Variants in NAV2 observed in about 807,000 individuals in gnomAD.
NAV2 encodes the protein helicase, APC down-regulated 1.
A neutral mutation model predicts 223.2 loss-of-function variants in NAV2; 54 were observed. The observed-to-expected ratio is 0.24, with a 90% CI of 0.19 to 0.30. The LOEUF is 0.30. Among genes scored for constraint, NAV2 ranks in the 10% least tolerant of loss-of-function variants. The pLI, the probability that NAV2 is intolerant of heterozygous loss-of-function variation, is 1.00. For missense variants in NAV2, 2,806 were observed against 3,147.5 expected (o/e 0.89, Z 2.60); for synonymous variants, 1,279 against 1,239.3 (o/e 1.03, Z -0.67).
chr11:19,847,380 T>C (rs1280741662), intron 3 of NAV2, among the ~76,000 whole-genome samples: 2 of 152,224 alleles, frequency 1.3e-5, no homozygotes, highest in African/African-American at 4.8e-5. Flanking sequence ...CCAGGCCTGC[T>C]TTCCCCTTTA....
intron 1 of NAV2, among the ~76,000 whole-genome samples, chr11:19,425,891 T>G (rs1850807610): frequency 6.6e-6 from 1 of 152,206 alleles, no homozygotes; most frequent in South Asian, 2.1e-4. Context: ...GACCCATATA[T>G]CTACTAAAAG....
chr11:19,874,527 T>G (rs993572954), intron 4 of NAV2, among the ~76,000 whole-genome samples: 1 of 152,166 alleles, frequency 6.6e-6, no homozygotes. Flanking sequence ...AGGGAAACAT[T>G]CTTGTGGGGC....
intron 10 of NAV2, among the ~76,000 whole-genome samples, chr11:19,952,087 G>T (rs2047443422): frequency 6.6e-6 from 1 of 152,318 alleles, no homozygotes; most frequent in East Asian, 1.9e-4. Context: ...ACCAGTTTGT[G>T]TTTACACGCA....
intron 1 of NAV2, among the ~76,000 whole-genome samples, chr11:19,632,748 C>T (rs1297699062): frequency 6.6e-6 from 1 of 152,218 alleles, no homozygotes; most frequent in Non-Finnish European, 1.5e-5. Context: ...GGCTAGAAAC[C>T]ACGGATGTTA....
intron 1 of NAV2, among the ~76,000 whole-genome samples, chr11:19,479,698 T>C (rs757490842): frequency 6.6e-6 from 1 of 152,194 alleles, no homozygotes; most frequent in South Asian, 2.1e-4. Context: ...AATCAGCCCA[T>C]TAAAATTTGT....
At chr11:19,465,686 G>T (rs767505168) in intron 1 of NAV2, among the ~76,000 whole-genome samples, 2 of 152,168 alleles carry the variant, frequency 1.3e-5, no homozygotes, top group Non-Finnish European at 2.9e-5. Context: ...GTCATTTGAG[G>T]ATCCACTATG....
chr11:19,933,291 G>A lies in NAV2; in HGVS notation c.1047G>A (p.Pro349=), dbSNP rs143560669. The A allele has an allele frequency of 2.3e-5, 37 of 1,613,238 alleles. No homozygotes were observed. The highest frequency in any genetic ancestry group is 1.7e-4 in the Middle Eastern group (1 of 6,058). The part of the protein sequence containing the change: ...PTNCSTSSAI[P]QPGAATKPWR... ...ATTGCAGTACCTCCTCGGCCATCCC[G>A]CAGCCCGGTGCAGCCACCAAGCCTT... The change falls in exon 7 of 38, where the codon CCG becomes CCA. Residue 349 remains proline (P), a synonymous_variant. Transcript: ENST00000349880. The surrounding 1 kb of genome is among the most constrained non-coding windows in gnomAD (Gnocchi z 4.3).
Position 19,796,337 on chromosome 11 carries a change from T to G in NAV2, c.268-36147T>G, listed in dbSNP as rs79414494. Among the ~76,000 whole-genome samples, 1,097 of 152,240 alleles carry G rather than the reference T, an allele frequency of 7.2e-3. 59 individuals carry two copies. The East Asian group carries it at 0.15, about 20-fold the overall frequency. ...ACAGCAAGAAAGAGGGCCCTCTGCCTCAATCCTCATGCAGGTGCACCTTAT... is the reference window on the plus strand; with the variant it reads ...ACAGCAAGAAAGAGGGCCCTCTGCCGCAATCCTCATGCAGGTGCACCTTAT... On this transcript the variant is annotated intron_variant, in intron 1 of 37. Transcript: ENST00000349880.
intron 11 of NAV2, among the ~76,000 whole-genome samples, chr11:20,024,009 A>G (rs1021785287): frequency 6.6e-6 from 1 of 152,202 alleles, no homozygotes; most frequent in Non-Finnish European, 1.5e-5. Flanking sequence ...AAGGTTACAC[A>G]GCTGATAAGA....
chr11:19,449,654 C>G (rs971352562), intron 1 of NAV2, among the ~76,000 whole-genome samples: 3 of 151,904 alleles, frequency 2.0e-5, no homozygotes, highest in African/African-American at 7.3e-5. Flanking sequence ...GGGTGGGGTG[C>G]TTTTGTGACT....
rs368041667 is a variant in NAV2, at chr11:20,114,456, A to G, written c.6961-136A>G. 9 of 759,156 alleles carry G rather than the reference A, an allele frequency of 1.2e-5. No individual in the cohort carries two copies. The African/African-American group carries it at 1.4e-4, about 12-fold the overall frequency. The allele number at this position is 759,156 out of a possible 1,614,324, so 47.0% of individuals were successfully genotyped here. On this transcript the variant is annotated intron_variant, in intron 36 of 37. Transcript: ENST00000349880. ...CTGCATCTTGGATGACTTCCTGAGC[A>G]TGGAATAGAAGTGGAATTACTCCAT...
rs147034660 is a variant in NAV2, at chr11:19,630,066, A to G, written c.76-202418A>G. Reference sequence around the variant, plus strand: ...TGGGGAATGCGACCTATGTTCCCCCAACTCTGTGGTGAACTTCTGGGGAAT... The same window carrying G: ...TGGGGAATGCGACCTATGTTCCCCCGACTCTGTGGTGAACTTCTGGGGAAT... On this transcript the variant is annotated intron_variant, in intron 1 of 37. Coordinates refer to the NAV2 transcript ENST00000360655. Among the ~76,000 whole-genome samples the G allele has an allele frequency of 7.9e-5, 12 of 152,238 alleles. No individual in the cohort carries two copies. In the East Asian group the frequency reaches 1.7e-3, roughly 22 times the overall value.
At chr11:19,761,445 G>C (rs946368051) in intron 1 of NAV2, among the ~76,000 whole-genome samples, 10 of 152,132 alleles carry the variant, frequency 6.6e-5, no homozygotes, top group African/African-American at 2.2e-4. Context: ...TTGGATGAGG[G>C]GCTCAAGGAA....
intron 1 of NAV2, among the ~76,000 whole-genome samples, chr11:19,715,257 A>AAGCTGAC (rs1310660394): frequency 6.6e-6 from 1 of 152,126 alleles, no homozygotes; most frequent in African/African-American, 2.4e-5. Context: ...ACATTTTTGG[A>AAGCTGAC]AGCTGACAGG....
At chr11:19,629,132 T>C (rs2047264934) in intron 1 of NAV2, among the ~76,000 whole-genome samples, 1 of 152,198 alleles carries the variant, frequency 6.6e-6, no homozygotes, top group Non-Finnish European at 1.5e-5. Context: ...CCTCCCGCTC[T>C]GCCTCAGTGT....
intron 25 of NAV2, among the ~76,000 whole-genome samples, chr11:20,081,878 G>C (rs2060114723): frequency 6.6e-6 from 1 of 152,166 alleles, no homozygotes; most frequent in Admixed American, 6.5e-5. Context: ...TTTTGGCCTA[G>C]AAAAATCTGA....
At position 20,097,814 on chromosome 11, in the gene NAV2, G is replaced by A. The variant is rs958734841; in HGVS notation, c.6181+69G>A. ...GTGTTTGTTTTGTGACTTGGCATAG[G>A]CACTTGTGGCCCCAGTTTTGTTTGT... On this transcript the variant is annotated intron_variant, in intron 31 of 37. Transcript: ENST00000349880. The A allele has an allele frequency of 1.2e-5, 17 of 1,390,848 alleles. No individual in the cohort carries two copies. The South Asian group carries it at 1.8e-4, about 15-fold the overall frequency. The allele number at this position is 1,390,848 out of a possible 1,614,324, so 86.2% of individuals were successfully genotyped here.
At chr11:19,773,795 C>A (rs533338122) in intron 1 of NAV2, among the ~76,000 whole-genome samples, 8 of 152,278 alleles carry the variant, frequency 5.3e-5, no homozygotes, top group South Asian at 2.1e-4. Context: ...CTCACCTCTT[C>A]TTGCTTGGGT....
At position 19,939,723 on chromosome 11, in the gene NAV2, A is replaced by C. The variant is rs746763734; in HGVS notation, c.2096A>C (p.Glu699Ala). The C allele has an allele frequency of 3.1e-6, 5 of 1,614,160 alleles. No individual in the cohort carries two copies. Among genetic ancestry groups the C allele is most frequent in the Non-Finnish European group, 3.4e-6 (4 of 1,180,018 alleles). The part of the protein sequence containing the change: ...AESSSTGVSV[E>A]PSHFTKTGQP... ...TCAAGCTCAACAGGTGTGAGCGTGG[A>C]GCCCAGCCACTTCACCAAGACTGGA... The change falls in exon 8 of 38, where the codon GAG becomes GCG. Residue 699 changes from glutamate to alanine, a missense_variant. Glu to Ala is a moderately radical substitution (Grantham distance 107). This residue lies in a region of NAV2 where 1,167 missense variants were observed against 1,180.5 expected (regional missense o/e 0.99). Coordinates refer to ENST00000349880, the MANE Select transcript of NAV2 (RefSeq NM_145117.5).
Sources: gnomAD v4.1 joint callset for allele counts (sites outside exome capture counted in the v4.1 genomes callset) on GRCh38, gnomAD v4.1.1 for gene constraint, gnomAD v4.1.1 regional missense constraint, Gnocchi (gnomAD v3.1) non-coding constraint, MANE v1.5 for transcripts, NCBI Gene and HGNC (gene_info 2026-07-23, HGNC 2026-07-21) for gene names.